The following ENTREP2 variants were observed in gnomAD, a reference collection of about 807,000 sequenced individuals.
The protein encoded by ENTREP2 is protein ENTREP2.
chr15:29,208,991 G>A, the ENTREP2 span, among the ~76,000 whole-genome samples: 1 of 152,284 alleles, frequency 6.6e-6, no homozygotes, highest in Non-Finnish European at 1.5e-5. Context: ...TGTGACATTA[G>A]AAGTTAGGAT....
At chr15:29,374,583 C>A in the ENTREP2 span, 8 of 151,482 alleles carry the variant, frequency 5.3e-5, no homozygotes, top group Non-Finnish European at 1.5e-5. Flanking sequence ...ATTTTTGGTT[C>A]TTTGCATGCA....
chr15:29,342,733 C>G, the ENTREP2 span, among the ~76,000 whole-genome samples: 3 of 152,100 alleles, frequency 2.0e-5, no homozygotes, highest in African/African-American at 7.2e-5. Flanking sequence ...TCTGTTACCA[C>G]GAGGTTCACA....
the ENTREP2 span, among the ~76,000 whole-genome samples, chr15:29,474,922 C>T: frequency 1.3e-5 from 2 of 151,978 alleles, no homozygotes; most frequent in African/African-American, 4.8e-5. Flanking sequence ...ATTGATTTTT[C>T]CTAGTTTTAT....
the ENTREP2 span, among the ~76,000 whole-genome samples, chr15:29,674,128 T>TGGG: frequency 0.011 from 498 of 45,954 alleles, 39 homozygotes; most frequent in South Asian, 0.019. Flanking sequence ...CTGCAGAGGA[T>TGGG]GGGGGGGGGG....
At chr15:29,219,781 G>A in the ENTREP2 span, among the ~76,000 whole-genome samples, 6 of 151,236 alleles carry the variant, frequency 4.0e-5, no homozygotes, top group East Asian at 5.8e-4. Context: ...ACCAAACATC[G>A]TATGTTCTCA....
the ENTREP2 span, among the ~76,000 whole-genome samples, chr15:29,385,677 T>A: frequency 1.3e-5 from 2 of 151,972 alleles, no homozygotes; most frequent in Non-Finnish European, 2.9e-5. Flanking sequence ...AGGTGACTCT[T>A]CTATGGGAGG....
At chr15:29,570,418 G>C in the ENTREP2 span, 1 of 849,252 alleles carries the variant, frequency 1.2e-6, no homozygotes, top group Non-Finnish European at 1.5e-6. Flanking sequence ...CTTGCCGCCC[G>C]CGGTGGCGTC....
the ENTREP2 span, among the ~76,000 whole-genome samples, chr15:29,332,681 C>G: frequency 2.0e-5 from 3 of 152,084 alleles, no homozygotes; most frequent in Non-Finnish European, 2.9e-5. Flanking sequence ...TACTTGGAGC[C>G]GGGTGGGGTG....
At chr15:29,213,090 C>G in the ENTREP2 span, among the ~76,000 whole-genome samples, 2 of 152,188 alleles carry the variant, frequency 1.3e-5, no homozygotes, top group Non-Finnish European at 2.9e-5. Context: ...TGTCAAAGAT[C>G]AGATGGTTGT....
At chr15:29,636,198 G>A in the ENTREP2 span, among the ~76,000 whole-genome samples, 1,265 of 152,276 alleles carry the variant, frequency 8.3e-3, 11 homozygotes, top group Middle Eastern at 0.017. Context: ...AAGCAATCTC[G>A]TCGCGTGTGG....
chr15:29,203,860 T>C, the ENTREP2 span, among the ~76,000 whole-genome samples: 5 of 152,222 alleles, frequency 3.3e-5, no homozygotes, highest in African/African-American at 1.2e-4. Flanking sequence ...ATCACATCTC[T>C]AGGCTAGGCA....
At chr15:29,168,545 T>C in the ENTREP2 span, among the ~76,000 whole-genome samples, 9 of 152,194 alleles carry the variant, frequency 5.9e-5, no homozygotes, top group East Asian at 1.9e-4. Context: ...AAAGCAGTTA[T>C]AGTCTACAGA....
chr15:29,133,415 A>G, the ENTREP2 span, among the ~76,000 whole-genome samples: 1 of 152,120 alleles, frequency 6.6e-6, no homozygotes, highest in African/African-American at 2.4e-5. Context: ...CAAGTTCCCC[A>G]CAGGGACACC....
the ENTREP2 span, chr15:29,195,293 T>A: frequency 1.0e-6 from 1 of 985,202 alleles, no homozygotes; most frequent in Non-Finnish European, 1.2e-6. Flanking sequence ...ATCCTCTCTC[T>A]CTGTACATCT....
the ENTREP2 span, among the ~76,000 whole-genome samples, chr15:29,118,762 T>C: frequency 7.2e-5 from 11 of 151,826 alleles, no homozygotes; most frequent in Non-Finnish European, 1.5e-4. Context: ...GTGGGTCCTT[T>C]GCAGCCTGTC....
chr15:29,212,532 T>C, the ENTREP2 span, among the ~76,000 whole-genome samples: 1 of 152,188 alleles, frequency 6.6e-6, no homozygotes, highest in South Asian at 2.1e-4. Context: ...TTATTTCCTT[T>C]CTTTTGCTGG....
chr15:29,658,879 C>T, the ENTREP2 span, among the ~76,000 whole-genome samples: 1 of 152,202 alleles, frequency 6.6e-6, no homozygotes, highest in Non-Finnish European at 1.5e-5. Flanking sequence ...TGACTATAAA[C>T]TTTGAGCAAT....
At chr15:29,335,083 G>A in the ENTREP2 span, among the ~76,000 whole-genome samples, 696 of 152,302 alleles carry the variant, frequency 4.6e-3, 5 homozygotes, top group African/African-American at 0.016. Context: ...AGCCATCAGT[G>A]AGGGTTCTAG....
the ENTREP2 span, among the ~76,000 whole-genome samples, chr15:29,162,761 G>C: frequency 6.6e-6 from 1 of 151,788 alleles, no homozygotes; most frequent in Non-Finnish European, 1.5e-5. Flanking sequence ...ATAATCTTGG[G>C]AGTTCTACAG....
Sources: allele counts gnomAD v4.1 joint callset (sites outside exome capture counted in the v4.1 genomes callset), GRCh38; gene constraint gnomAD v4.1.1; transcripts MANE v1.5; gene names NCBI Gene and HGNC (gene_info 2026-07-23, HGNC 2026-07-21).